CFI: variants seen among roughly 807,000 people sequenced by gnomAD.
The protein encoded by CFI is C3B/C4B inactivator.
In CFI, 66 loss-of-function variants were observed where a neutral mutation model predicts 78.8. That is an observed-to-expected ratio of 0.84 (90% CI 0.69 to 1.03). The LOEUF (loss-of-function observed/expected upper bound fraction) is 1.03, where lower values mean the gene tolerates loss of function less well. Ranked by LOEUF, CFI falls within the 50% of genes least tolerant of loss-of-function variation. The pLI is 0.00. For missense variants in CFI, 706 were observed against 704.5 expected, an observed-to-expected ratio of 1.00 and a Z score of -0.02; for synonymous variants, 250 against 232.6, an observed-to-expected ratio of 1.07 and a Z score of -0.68.
intron 1 of CFI, among the ~76,000 whole-genome samples, chr4:109,773,440 T>C (rs1469055911): frequency 2.0e-5 from 3 of 152,080 alleles, no homozygotes; most frequent in Non-Finnish European, 4.4e-5. Context: ...CGCTTGAACC[T>C]GGGAGGCAGA....
chr4:109,746,321 A>T lies in CFI; in HGVS notation c.1330T>A (p.Cys444Ser), dbSNP rs773442889. The T allele has an allele frequency of 6.2e-7, 1 of 1,614,160 alleles. No individual in the cohort carries two copies. The highest frequency in any genetic ancestry group is 1.1e-5 in the South Asian group (1 of 91,090). ...GCAGGGATGGAACGAGGCAGCTCACAATCTTTTTTGTTTCCGTCTTTTTTC... is the reference window on the plus strand; with the variant it reads ...GCAGGGATGGAACGAGGCAGCTCACTATCTTTTTTGTTTCCGTCTTTTTTC... ...EMKKDGNKKD[C>S]ELPRSIPACV... The change falls in exon 11 of 13, where the codon TGT becomes AGT. Residue 444 changes from cysteine to serine, a missense_variant. Transcript: ENST00000394634.
rs886961948 is a variant in CFI, at chr4:109,742,180, C to T, written c.1534+311G>A. ...ATCTTCAATTTTACAAATGAAGAAA[C>T]CTGCTCAAGGTCACATGACTAGCAA... On this transcript the variant is annotated intron_variant, in intron 12 of 12. Coordinates refer to ENST00000394634, the MANE Select transcript of CFI (RefSeq NM_000204.5). 28 of 307,398 alleles carry T rather than the reference C, an allele frequency of 9.1e-5. 1 individual carries two copies. Among genetic ancestry groups the T allele is most frequent in the African/African-American group, 5.7e-4 (27 of 47,194 alleles). The allele number at this position is 307,398 out of a possible 1,614,324, so 19.0% of individuals were successfully genotyped here.
chr4:109,751,438 C>CG (rs1725121544), intron 8 of CFI, among the ~76,000 whole-genome samples: 1 of 100,356 alleles, frequency 1.0e-5, no homozygotes, highest in South Asian at 3.8e-4. Context: ...AGAGCTAAAT[C>CG]TTTTTTTTTT....
chr4:109,757,172 G>A (rs902214984), intron 7 of CFI, among the ~76,000 whole-genome samples: 4 of 151,132 alleles, frequency 2.6e-5, no homozygotes, highest in African/African-American at 7.3e-5. Context: ...GGGACTATAG[G>A]CTCCCGCCAC....
In CFI at chr4:109,764,591, C is replaced by G. The variant is rs1727494893; in HGVS notation, c.428G>C (p.Ser143Thr). 6.2e-7 allele frequency: 1 copy of G among 1,614,038 alleles called. No individual in the cohort carries two copies. The highest frequency in any genetic ancestry group is 1.3e-5 in the African/African-American group (1 of 74,930). ...GTTGGCTTCCCTCATGCTCCAGCTG[C>G]TTTTGCATATGAACATTGTCTTATC... ...DQDKTMFICK[S>T]SWSMREANVA... The change falls in exon 3 of 13, where the codon AGC becomes ACC. Residue 143 changes from serine (S) to threonine (T), a missense_variant. Transcript: ENST00000394634.
intron 7 of CFI, among the ~76,000 whole-genome samples, chr4:109,756,957 G>T (rs1357067067): frequency 3.7e-4 from 49 of 132,944 alleles, no homozygotes; most frequent in African/African-American, 1.2e-3. Flanking sequence ...AAGAAAGAAA[G>T]AAAGAAAGAA....
downstream of CFI, among the ~76,000 whole-genome samples, chr4:109,737,975 G>A (rs1723465459): frequency 6.6e-6 from 1 of 152,174 alleles, no homozygotes; most frequent in African/African-American, 2.4e-5. Context: ...GCTTGACCCT[G>A]GTCTACTTTT....
In CFI at chr4:109,771,456, G is replaced by A. The variant is rs192849352; in HGVS notation, c.58-4632C>T. Among the ~76,000 whole-genome samples the A allele has an allele frequency of 2.6e-3, 398 of 150,342 alleles. 1 individual carries two copies. Among genetic ancestry groups the A allele is most frequent in the Non-Finnish European group, 4.1e-3 (277 of 67,734 alleles). On this transcript the variant is annotated intron_variant, in intron 1 of 12. Transcript: ENST00000394634. The stretch of plus-strand genomic sequence containing the variant: ...ACAGTGGCTCATGCCTATAATCCCA[G>A]CACTTTGGGATGCTGAGGCAGGCAG...
intron 1 of CFI, among the ~76,000 whole-genome samples, chr4:109,785,362 T>G (rs1730610481): frequency 6.6e-6 from 1 of 152,120 alleles, no homozygotes; most frequent in Admixed American, 6.6e-5. Context: ...TAGTCAAAAT[T>G]GTTGTTAAAA....
At chr4:109,793,982 AT>A (rs1731714667) in intron 1 of CFI, 1 of 152,194 alleles carries the variant, frequency 6.6e-6, no homozygotes, top group South Asian at 2.1e-4. Flanking sequence ...AACAAATAAA[AT>A]TTTCATCTGC....
At chr4:109,784,080 C>T (rs574030383) in intron 1 of CFI, among the ~76,000 whole-genome samples, 27 of 151,766 alleles carry the variant, frequency 1.8e-4, no homozygotes, top group African/African-American at 5.3e-4. Context: ...AAATATGGTG[C>T]AGTGTATACT....
At chr4:109,770,285 C>T (rs1728397680) in intron 1 of CFI, among the ~76,000 whole-genome samples, 1 of 152,124 alleles carries the variant, frequency 6.6e-6, no homozygotes, top group Non-Finnish European at 1.5e-5. Context: ...TTTGACTAGG[C>T]ACAGTGGCTC....
At chr4:109,764,493 C>G (rs759704600) in intron 3 of CFI, 44 bp downstream of exon 3, 1 of 1,609,442 alleles carries the variant, frequency 6.2e-7, no homozygotes, top group Non-Finnish European at 8.5e-7. Context: ...GCAAACAGAA[C>G]AATTAAATCA....
chr4:109,763,448 G>A (rs184797316), intron 3 of CFI, among the ~76,000 whole-genome samples: 128 of 151,988 alleles, frequency 8.4e-4, no homozygotes, highest in African/African-American at 2.9e-3. Context: ...CACACAAAAA[G>A]CAGGGTAAAT....
chr4:109,760,170 C>A (rs986412885), intron 6 of CFI, 100 bp downstream of exon 6: 2 of 800,938 alleles, frequency 2.5e-6, no homozygotes, highest in African/African-American at 1.7e-5. Context: ...TACTGCTACA[C>A]CCATCTATGT....
chr4:109,797,000 C>G (rs1042531959), intron 1 of CFI, among the ~76,000 whole-genome samples: 12 of 152,192 alleles, frequency 7.9e-5, no homozygotes, highest in Non-Finnish European at 1.5e-4. Flanking sequence ...TATACTATTA[C>G]AAATAATCTA....
intron 1 of CFI, among the ~76,000 whole-genome samples, chr4:109,792,866 C>T (rs986156540): frequency 8.5e-5 from 13 of 152,066 alleles, no homozygotes; most frequent in African/African-American, 3.1e-4. Context: ...TAAAGGCAGC[C>T]TCTTTAGACA....
In CFI at chr4:109,760,462, C is replaced by T. The variant is rs4382037; in HGVS notation, c.772+61G>A. ...AATATAAAATTCAATAGTAAAGTTG[C>T]TTTTCCTCTTTTAGTCAGAAAAATG... On this transcript the variant is annotated intron_variant, in intron 5 of 12. Transcript: ENST00000394634. The T allele has an allele frequency of 0.99, 1,491,344 of 1,500,260 alleles. 741,645 individuals are homozygous for T. The highest frequency in any genetic ancestry group is 1 in the East Asian group (44,344 of 44,344). The allele number at this position is 1,500,260 out of a possible 1,614,324, so 92.9% of individuals were successfully genotyped here. A position where few individuals can be genotyped will look rare whatever the true frequency, so the allele number is the denominator to read the frequency against.
At chr4:109,773,909 C>T (rs1214695394) in intron 1 of CFI, among the ~76,000 whole-genome samples, 1 of 152,166 alleles carries the variant, frequency 6.6e-6, no homozygotes, top group African/African-American at 2.4e-5. Flanking sequence ...TAAACAAGCT[C>T]CATAAATATT....
Sources: gnomAD v4.1 joint callset for allele counts (sites outside exome capture counted in the v4.1 genomes callset) on GRCh38, gnomAD v4.1.1 for gene constraint, MANE v1.5 for transcripts, NCBI Gene and HGNC (gene_info 2026-07-23, HGNC 2026-07-21) for gene names.